DNAJC27: variants seen among roughly 807,000 people sequenced by gnomAD.
DNAJC27 encodes the protein DnaJ heat shock protein family (Hsp40) member C27, also known as dnaJ homolog subfamily C member 27.
A neutral mutation model predicts 31.4 loss-of-function variants in DNAJC27; 25 were observed. The ratio of observed to expected loss-of-function variants is 0.80; its 90% CI spans 0.58 to 1.11. DNAJC27 has a LOEUF of 1.11. Among genes scored for constraint, DNAJC27 ranks in the 50% most tolerant of loss-of-function variants. DNAJC27 has a pLI of 0.00. For missense variants in DNAJC27, 356 were observed against 347.3 expected, an observed-to-expected ratio of 1.02 and a Z score of -0.20; for synonymous variants, 106 against 112.7, an observed-to-expected ratio of 0.94 and a Z score of 0.37.
In DNAJC27 at chr2:24,947,289, T is replaced by TC. The variant is rs139553812; in HGVS notation, c.*326dup. 49,251 of 197,148 alleles carry TC rather than the reference T, an allele frequency of 0.25. 6,545 individuals are homozygous for TC. Among genetic ancestry groups the TC allele is most frequent in the South Asian group, 0.37 (1,943 of 5,306 alleles). 12.2% of individuals were successfully genotyped at this position (197,148 alleles called of 1,614,324 possible). A position where few individuals can be genotyped will look rare whatever the true frequency, so the allele number is the denominator to read the frequency against. The stretch of plus-strand genomic sequence containing the variant: ...AAGGGTCCTCTTGTCCTCTCTTCCC[T>TC]CCTCCAGGAACCTTGTGGATTTCCC... On this transcript the variant is annotated 3_prime_UTR_variant, in exon 7 of 7. Transcript: ENST00000264711.
intron 1 of DNAJC27, among the ~76,000 whole-genome samples, chr2:24,969,759 G>C (rs1163994886): frequency 6.6e-6 from 1 of 152,206 alleles, no homozygotes; most frequent in Admixed American, 6.5e-5. Flanking sequence ...AATTACAGGC[G>C]TGAGCCACTG....
rs773195940 is a variant in DNAJC27 at position 24,957,924 on chromosome 2, A to G, written c.291T>C (p.Asp97=). ...CGTCAAAGGAGTCTTTCTGCCCAAC[A>G]TCATAGACCAGTATCACACCCTGTG... ...KDTQGVILVY[D]VGQKDSFDAL... The change falls in exon 4 of 7, where the codon GAT becomes GAC. Residue 97 remains aspartate, a synonymous_variant. Transcript: ENST00000264711. 5.1e-5 allele frequency: 83 copies of G among 1,614,086 alleles called. No individual in the cohort carries two copies. Among genetic ancestry groups the G allele is most frequent in the Middle Eastern group, 3.3e-4 (2 of 6,084 alleles).
At chr2:24,962,460 T>C (rs1012222724) in intron 3 of DNAJC27, among the ~76,000 whole-genome samples, 10 of 152,174 alleles carry the variant, frequency 6.6e-5, no homozygotes, top group Non-Finnish European at 7.3e-5. Flanking sequence ...TTCCCCATGT[T>C]GGCCAGGCTG....
intron 6 of DNAJC27, among the ~76,000 whole-genome samples, chr2:24,950,005 G>T (rs1665729292): frequency 7.0e-6 from 1 of 142,726 alleles, no homozygotes; most frequent in African/African-American, 2.6e-5. Context: ...ATCCTTAATA[G>T]TCAAATAATC....
At chr2:24,957,328 C>T (rs1043234331) in intron 4 of DNAJC27, among the ~76,000 whole-genome samples, 163 bp from the exon 5 acceptor site, 4 of 152,156 alleles carry the variant, frequency 2.6e-5, no homozygotes, top group African/African-American at 2.4e-5. Context: ...AGAAACAAAA[C>T]TTAATATTGA....
At position 24,945,162 on chromosome 2, in the gene DNAJC27, T is replaced by G. The variant is rs559446692; in HGVS notation, c.*2454A>C. ...AAAACCTTTCCATTGCAGATCATGC[T>G]TTATTTCTTAATATTCTGCTGAAGG... On this transcript the variant is annotated 3_prime_UTR_variant, in exon 7 of 7. Transcript: ENST00000264711. The G allele has an allele frequency of 6.6e-6, 1 of 152,360 alleles. No individual in the cohort carries two copies. Among genetic ancestry groups the G allele is most frequent in the South Asian group, 2.1e-4 (1 of 4,826 alleles). 9.4% of individuals were successfully genotyped at this position (152,360 alleles called of 1,614,324 possible).
intron 2 of DNAJC27, among the ~76,000 whole-genome samples, chr2:24,966,332 T>C (rs1573117927): frequency 6.6e-6 from 1 of 152,226 alleles, no homozygotes; most frequent in Non-Finnish European, 1.5e-5. Flanking sequence ...TTAAGGAGTA[T>C]GCTATCTACC....
chr2:24,959,743 G>A (rs1428301925), intron 3 of DNAJC27, among the ~76,000 whole-genome samples: 1 of 152,144 alleles, frequency 6.6e-6, no homozygotes, highest in Non-Finnish European at 1.5e-5. Context: ...CTTTCATGCA[G>A]CTTTCTCTGT....
In DNAJC27 at chr2:24,951,558, C is replaced by T. The variant is rs1328990121; in HGVS notation, c.529-4G>A. On this transcript the variant is annotated splice_polypyrimidine_tract_variant and splice_region_variant and intron_variant, in intron 5 of 6. Transcript: ENST00000264711. Reference sequence around the variant, plus strand: ...CAACTATGGATATATAAAAGGTCTACAAGAAGAAAACATAACCCAGGGTAG... The same window carrying T: ...CAACTATGGATATATAAAAGGTCTATAAGAAGAAAACATAACCCAGGGTAG... 3 of 1,605,566 alleles carry T rather than the reference C, an allele frequency of 1.9e-6. No individual in the cohort carries two copies. In the African/African-American group the frequency reaches 4.0e-5, roughly 21 times the overall value.
intron 3 of DNAJC27, among the ~76,000 whole-genome samples, chr2:24,961,249 G>A (rs1183801292): frequency 6.6e-6 from 1 of 152,174 alleles, no homozygotes; most frequent in Non-Finnish European, 1.5e-5. Context: ...TTTAAGCATA[G>A]TTTACTGAAT....
At chr2:24,963,135 G>A in intron 3 of DNAJC27, 1 of 372,078 alleles carries the variant, frequency 2.7e-6, no homozygotes, top group Non-Finnish European at 4.9e-6. Context: ...GCTAAAGTAT[G>A]AGGTAAAAAG....
In DNAJC27 at chr2:24,947,692, C is replaced by A. The variant is rs1252871277; in HGVS notation, c.746G>T (p.Cys249Phe). ...KLAVLLHPDK[C>F]VAPGSEDAFK... ...GGCATCTTCACTGCCAGGTGCTACA[C>A]ATTTGTCAGGGTGAAGAAGCACAGC... The change falls in exon 7 of 7, where the codon TGT (cysteine) becomes TTT (phenylalanine). Residue 249 changes from cysteine to phenylalanine, a missense_variant. Transcript: ENST00000264711. 1 of 1,613,852 alleles carries A rather than the reference C, an allele frequency of 6.2e-7. No individual in the cohort carries two copies. The highest frequency in any genetic ancestry group is 1.7e-4 in the Middle Eastern group (1 of 6,060).
chr2:24,964,472 C>A (rs1216388289), intron 2 of DNAJC27, among the ~76,000 whole-genome samples: 1 of 150,052 alleles, frequency 6.7e-6, no homozygotes, highest in African/African-American at 2.4e-5. Flanking sequence ...AAGAAAAACA[C>A]AAAGATGAAT....
intron 2 of DNAJC27, among the ~76,000 whole-genome samples, chr2:24,964,016 A>C (rs1184951772): frequency 1.3e-5 from 2 of 152,240 alleles, no homozygotes; most frequent in Non-Finnish European, 2.9e-5. Flanking sequence ...AGGGGAAACA[A>C]TAACCATTCA....
In DNAJC27 at chr2:24,948,566, C is replaced by T. The variant is rs547241315; in HGVS notation, c.690-818G>A. Among the ~76,000 whole-genome samples the T allele has an allele frequency of 1.3e-3, 191 of 152,268 alleles. 1 individual carries two copies. The highest frequency in any genetic ancestry group is 4.3e-3 in the African/African-American group (180 of 41,548). ...AGCTCACGAGACCAAAGAAGAAACA[C>T]GACAGAGATCAGTATTATCCAGAGA... On this transcript the variant is annotated intron_variant, in intron 6 of 6. Transcript: ENST00000264711.
In DNAJC27 at chr2:24,945,872, G is replaced by C. The variant is rs1665636149; in HGVS notation, c.*1744C>G. 1 of 152,210 alleles carries C rather than the reference G, an allele frequency of 6.6e-6. No homozygotes were observed. Among genetic ancestry groups the C allele is most frequent in the African/African-American group, 2.4e-5 (1 of 41,458 alleles). The allele number at this position is 152,210 out of a possible 1,614,324, so 9.4% of individuals were successfully genotyped here. ...TGTGGAAAATCCACAAGGCTGCAGT[G>C]GGCTTGGATTGGAAGAAAGTGGCTT... On this transcript the variant is annotated 3_prime_UTR_variant, in exon 7 of 7. Coordinates refer to ENST00000264711, the MANE Select transcript of DNAJC27 (RefSeq NM_016544.3).
At chr2:24,962,764 A>T (rs1666080895) in intron 3 of DNAJC27, among the ~76,000 whole-genome samples, 1 of 152,178 alleles carries the variant, frequency 6.6e-6, no homozygotes, top group African/African-American at 2.4e-5. Flanking sequence ...CCACCTCAAG[A>T]ATCTAAAACA....
intron 1 of DNAJC27, 68 bp downstream of exon 1, chr2:24,971,750 C>T (rs1429779075): frequency 8.5e-6 from 12 of 1,408,710 alleles, no homozygotes; most frequent in Non-Finnish European, 9.6e-6. Context: ...TGAGTGGCCG[C>T]CCTTCCAGCC....
At chr2:24,961,670 C>T (rs1666045162) in intron 3 of DNAJC27, among the ~76,000 whole-genome samples, 1 of 152,046 alleles carries the variant, frequency 6.6e-6, no homozygotes, top group Non-Finnish European at 1.5e-5. Flanking sequence ...TTCAAGACAT[C>T]AGTGGAGGAA....
Sources: allele counts gnomAD v4.1 joint callset (sites outside exome capture counted in the v4.1 genomes callset), GRCh38; gene constraint gnomAD v4.1.1; transcripts MANE v1.5; gene names NCBI Gene and HGNC (gene_info 2026-07-23, HGNC 2026-07-21).